ARHGEF11: variants seen among roughly 807,000 people sequenced by gnomAD.
ARHGEF11 encodes Rho guanine exchange factor (GEF) 11.
Under a neutral mutation model 193.7 loss-of-function variants are expected in ARHGEF11, and 55 were observed. The observed-to-expected ratio is 0.28, with a 90% CI of 0.23 to 0.36. The LOEUF (loss-of-function observed/expected upper bound fraction) is 0.36, where lower values mean the gene tolerates loss of function less well. Ranked by LOEUF, ARHGEF11 falls within the 10% of genes least tolerant of loss-of-function variation. The pLI is 1.00. For synonymous variants in ARHGEF11, 693 were observed against 768.0 expected, an observed-to-expected ratio of 0.90 and a Z score of 1.62; for missense variants, 1,723 against 2,005.6, an observed-to-expected ratio of 0.86 and a Z score of 2.69.
intron 32 of ARHGEF11, 73 bp downstream of exon 32, chr1:156,943,862 G>C: frequency 6.5e-7 from 1 of 1,534,784 alleles, no homozygotes; most frequent in South Asian, 1.3e-5. Context: ...CTCCAGACTG[G>C]CCCTGCCTCA....
chr1:156,983,342 C>G (rs914186254), intron 3 of ARHGEF11, among the ~76,000 whole-genome samples: 3 of 152,236 alleles, frequency 2.0e-5, no homozygotes, highest in Admixed American at 6.5e-5. Context: ...CTGCCTCAGC[C>G]TCCCGAGTAG....
intron 1 of ARHGEF11, among the ~76,000 whole-genome samples, chr1:157,008,791 C>A (rs1197831303): frequency 3.9e-5 from 6 of 152,204 alleles, no homozygotes; most frequent in African/African-American, 1.4e-4. Flanking sequence ...ATGGGTTCAG[C>A]ATCTCTATCT....
intron 1 of ARHGEF11, among the ~76,000 whole-genome samples, chr1:156,996,311 G>C (rs1666485378): frequency 6.6e-6 from 1 of 152,138 alleles, no homozygotes; most frequent in African/African-American, 2.4e-5. Context: ...ACTAGATTTG[G>C]GGAGGGGATG....
At chr1:156,944,726 C>T (rs1206121187) in intron 30 of ARHGEF11, among the ~76,000 whole-genome samples, 1 of 152,122 alleles carries the variant, frequency 6.6e-6, no homozygotes, top group Non-Finnish European at 1.5e-5. Context: ...CCTGCCCATG[C>T]CTCCAGCTCT....
chr1:156,996,665 C>T (rs907814670), intron 1 of ARHGEF11, among the ~76,000 whole-genome samples: 29 of 147,242 alleles, frequency 2.0e-4, no homozygotes, highest in African/African-American at 5.7e-4. Context: ...CCCAGCTACT[C>T]GGGAGGCTGA....
At chr1:156,986,434 T>C (rs1483685317) in intron 1 of ARHGEF11, among the ~76,000 whole-genome samples, 3 of 152,126 alleles carry the variant, frequency 2.0e-5, no homozygotes, top group Non-Finnish European at 4.4e-5. Flanking sequence ...TTCCTGGAGT[T>C]AGGCGACAAA....
chr1:157,016,341 TC>T (rs1438325189), intron 1 of ARHGEF11, among the ~76,000 whole-genome samples: 1 of 151,366 alleles, frequency 6.6e-6, no homozygotes, highest in East Asian at 1.9e-4. Context: ...TGCCTCAGCC[TC>T]CCGAGTAGCT....
chr1:156,974,012 T>A (rs905084619), intron 7 of ARHGEF11, among the ~76,000 whole-genome samples: 2 of 152,208 alleles, frequency 1.3e-5, no homozygotes, highest in South Asian at 4.1e-4. Flanking sequence ...AAGCTCCTCA[T>A]GGTATTCATG....
chr1:156,971,124 G>C (rs566787618), intron 8 of ARHGEF11, among the ~76,000 whole-genome samples: 86 of 152,280 alleles, frequency 5.6e-4, no homozygotes, highest in Non-Finnish European at 1.0e-3. Flanking sequence ...GCCTGATGGA[G>C]AGCAGTAAGA....
Position 156,969,991 on chromosome 1 carries a change from G to A in ARHGEF11, c.748+7C>T. Reference sequence around the variant, plus strand: ...GCCAGAGAAAAAAGGGGTGATGGGGGACTTACCTTCTGATGGTCTCTGGCT... The same window carrying A: ...GCCAGAGAAAAAAGGGGTGATGGGGAACTTACCTTCTGATGGTCTCTGGCT... On this transcript the variant is annotated splice_region_variant and intron_variant, in intron 9 of 40. Transcript: ENST00000368194. 6.2e-7 allele frequency: 1 copy of A among 1,613,936 alleles called. No homozygotes were observed. Among genetic ancestry groups the A allele is most frequent in the Non-Finnish European group, 8.5e-7 (1 of 1,179,830 alleles).
chr1:156,990,757 C>T (rs1665590154), intron 1 of ARHGEF11, among the ~76,000 whole-genome samples: 1 of 152,182 alleles, frequency 6.6e-6, no homozygotes. Context: ...AAGCCAGCTC[C>T]TGTGTCCTTT....
At chr1:157,005,203 G>A (rs555175960) in intron 1 of ARHGEF11, among the ~76,000 whole-genome samples, 2 of 152,136 alleles carry the variant, frequency 1.3e-5, no homozygotes, top group South Asian at 4.1e-4. Flanking sequence ...CAGTGGATTT[G>A]CTCAGCTTGG....
rs1658291546 is a variant in ARHGEF11, at chr1:156,947,137, C to T, written c.2489-122G>A. On this transcript the variant is annotated intron_variant, in intron 26 of 40. Coordinates refer to ENST00000368194, the MANE Select transcript of ARHGEF11 (RefSeq NM_198236.3). ...TGGGAAGGGTCTGGAAACCATTGTA[C>T]TTTCGGGGTGAACTCCAGTGCTGGT... is the stretch of plus-strand genomic sequence containing the variant. 4 of 1,472,366 alleles carry T rather than the reference C, an allele frequency of 2.7e-6. No homozygotes were observed. In the African/African-American group the frequency reaches 4.2e-5, roughly 15 times the overall value. The allele number at this position is 1,472,366 out of a possible 1,614,324, so 91.2% of individuals were successfully genotyped here. A position where few individuals can be genotyped will look rare whatever the true frequency, so the allele number is the denominator to read the frequency against.
At chr1:157,010,225 T>C (rs185431358) in intron 1 of ARHGEF11, among the ~76,000 whole-genome samples, 304 of 152,194 alleles carry the variant, frequency 2.0e-3, no homozygotes, top group African/African-American at 7.1e-3. Context: ...CCACTTCCAT[T>C]CAATGTTGAA....
upstream of ARHGEF11, among the ~76,000 whole-genome samples, chr1:157,045,919 C>T (rs1008597004): frequency 6.6e-6 from 1 of 150,916 alleles, no homozygotes; most frequent in African/African-American, 2.4e-5. Context: ...CTGCGCTGCC[C>T]GCCGCCCGCC....
rs796798240 is a variant in ARHGEF11 at position 157,003,032 on chromosome 1, G to A, written c.33-16859C>T. On this transcript the variant is annotated intron_variant, in intron 1 of 40. Coordinates refer to ENST00000368194, the MANE Select transcript of ARHGEF11 (RefSeq NM_198236.3). ...AACATGCAAAAAATGCTCAGGCCAGGGCCTGGCACTCAGTAAGAATTCCTT... is the reference window on the plus strand; with the variant it reads ...AACATGCAAAAAATGCTCAGGCCAGAGCCTGGCACTCAGTAAGAATTCCTT... 9.9e-5 allele frequency among the ~76,000 whole-genome samples: 15 copies of A among 152,238 alleles called. 1 individual carries two copies. Among genetic ancestry groups the A allele is most frequent in the African/African-American group, 3.6e-4 (15 of 41,548 alleles).
rs41273229 is a variant in ARHGEF11 at position 156,936,110 on chromosome 1, C to T, written c.4631-52G>A. 2,985 of 1,566,972 alleles carry T rather than the reference C, an allele frequency of 1.9e-3. 6 individuals are homozygous for T. The highest frequency in any genetic ancestry group is 2.5e-3 in the Non-Finnish European group (2,804 of 1,137,234). ...ACTGGCCAGCCTGAGGTGACCGCTT[C>T]CACATGTTTTGTCTAGAAAGTTCAG... On this transcript the variant is annotated intron_variant, in intron 40 of 40. Coordinates refer to ENST00000368194, the MANE Select transcript of ARHGEF11 (RefSeq NM_198236.3).
chr1:157,016,967 C>T (rs1417528306), intron 1 of ARHGEF11, among the ~76,000 whole-genome samples: 1 of 152,126 alleles, frequency 6.6e-6, no homozygotes, highest in African/African-American at 2.4e-5. Context: ...CACCCCACGA[C>T]ATCCAGACTA....
intron 1 of ARHGEF11, among the ~76,000 whole-genome samples, chr1:156,991,370 A>C (rs1042699585): frequency 6.6e-6 from 1 of 152,208 alleles, no homozygotes; most frequent in Non-Finnish European, 1.5e-5. Flanking sequence ...CCCAGACTAG[A>C]GTGCAGTGGC....
Sources: allele counts gnomAD v4.1 joint callset (sites outside exome capture counted in the v4.1 genomes callset), GRCh38; gene constraint gnomAD v4.1.1; transcripts MANE v1.5; gene names NCBI Gene and HGNC (gene_info 2026-07-23, HGNC 2026-07-21).